The following PIP5K1B variants were observed in gnomAD, a reference collection of about 807,000 sequenced individuals.
PIP5K1B encodes phosphatidylinositol-4-phosphate 5-kinase type 1 beta, also known as phosphatidylinositol 4-phosphate 5-kinase type-1 beta.
Under a neutral mutation model 67.0 loss-of-function variants are expected in PIP5K1B, and 42 were observed. The ratio of observed to expected loss-of-function variants is 0.63; its 90% CI spans 0.49 to 0.81. The LOEUF (loss-of-function observed/expected upper bound fraction) is 0.81. Ranked by LOEUF, PIP5K1B falls within the 30% of genes least tolerant of loss-of-function variation. The probability of loss-of-function intolerance (pLI) is 0.00; values close to 1 mark genes in which losing one functional copy is unlikely to be tolerated. For missense variants in PIP5K1B, 459 were observed against 646.3 expected (o/e 0.71, Z 3.14); for synonymous variants, 214 against 231.4 (o/e 0.92, Z 0.68).
chr9:68,742,066 C>T (rs773157494), intron 1 of PIP5K1B, among the ~76,000 whole-genome samples: 10 of 152,160 alleles, frequency 6.6e-5, no homozygotes, highest in Non-Finnish European at 1.3e-4. Context: ...TGTTTCCTTG[C>T]ATGTGGTTTC....
chr9:68,921,607 G>A (rs114289085), intron 11 of PIP5K1B, among the ~76,000 whole-genome samples: 10 of 152,046 alleles, frequency 6.6e-5, no homozygotes, highest in South Asian at 6.2e-4. Context: ...CAACACTTTG[G>A]GGGGAGACCA....
intron 6 of PIP5K1B, among the ~76,000 whole-genome samples, chr9:68,881,736 G>A (rs1275192617): frequency 6.6e-6 from 1 of 152,026 alleles, no homozygotes; most frequent in East Asian, 1.9e-4. Flanking sequence ...ATACAGCAGT[G>A]CAAACTTTCC....
chr9:68,862,822 A>ATATAT (rs1564191147), intron 4 of PIP5K1B, among the ~76,000 whole-genome samples: 5 of 144,404 alleles, frequency 3.5e-5, no homozygotes, highest in Admixed American at 7.0e-5. Context: ...TAAATAAATA[A>ATATAT]ATATATATAT....
intron 2 of PIP5K1B, among the ~76,000 whole-genome samples, chr9:68,768,806 CCA>C (rs1207350125): frequency 2.6e-5 from 4 of 152,176 alleles, no homozygotes; most frequent in African/African-American, 9.7e-5. Context: ...CTGGGTCTCT[CCA>C]GTCTGTTAAG....
At chr9:68,889,833 G>A (rs537785462) in intron 7 of PIP5K1B, among the ~76,000 whole-genome samples, 53 of 151,780 alleles carry the variant, frequency 3.5e-4, no homozygotes, top group Non-Finnish European at 6.6e-4. Context: ...GATAAAGGAA[G>A]CAATGTGTTT....
chr9:68,933,958 A>C (rs992278132), intron 12 of PIP5K1B, among the ~76,000 whole-genome samples: 1 of 152,184 alleles, frequency 6.6e-6, no homozygotes, highest in African/African-American at 2.4e-5. Context: ...TTACTCTAAT[A>C]CACTTACTAT....
At chr9:68,983,429 T>C (rs1438833144) in intron 14 of PIP5K1B, among the ~76,000 whole-genome samples, 1 of 152,118 alleles carries the variant, frequency 6.6e-6, no homozygotes, top group African/African-American at 2.4e-5. Context: ...TGGCTTCTGC[T>C]ACTCACTTCC....
At chr9:68,912,990 G>C (rs1240556146) in intron 8 of PIP5K1B, among the ~76,000 whole-genome samples, 1 of 152,206 alleles carries the variant, frequency 6.6e-6, no homozygotes, top group Non-Finnish European at 1.5e-5. Context: ...CTCATTTCAA[G>C]AACAGGTAGT....
chr9:68,799,954 T>C (rs1832509259), intron 2 of PIP5K1B, among the ~76,000 whole-genome samples: 1 of 152,060 alleles, frequency 6.6e-6, no homozygotes, highest in African/African-American at 2.4e-5. Flanking sequence ...ACTCATGGAA[T>C]GAGAGAAAAT....
intron 14 of PIP5K1B, among the ~76,000 whole-genome samples, chr9:68,968,788 C>G (rs895970454): frequency 1.3e-5 from 2 of 151,204 alleles, no homozygotes; most frequent in Non-Finnish European, 2.9e-5. Flanking sequence ...AAAGAGGCAT[C>G]CTATCTCAGC....
chr9:68,873,390 C>T (rs571322800), intron 5 of PIP5K1B, among the ~76,000 whole-genome samples: 4 of 148,548 alleles, frequency 2.7e-5, no homozygotes, highest in Admixed American at 6.8e-5. Flanking sequence ...TGGGCTCAAG[C>T]GATCCTTCTG....
intron 10 of PIP5K1B, 21 bp downstream of exon 10, chr9:68,919,583 T>G: frequency 7.0e-7 from 1 of 1,438,724 alleles, no homozygotes; most frequent in Non-Finnish European, 9.7e-7. Flanking sequence ...TGAGGAGTGG[T>G]CTTTTATTAT....
At chr9:68,895,968 C>T (rs1292506629) in intron 8 of PIP5K1B, among the ~76,000 whole-genome samples, 1 of 151,984 alleles carries the variant, frequency 6.6e-6, no homozygotes, top group African/African-American at 2.4e-5. Flanking sequence ...GCATGTGCTT[C>T]TAACAACTAA....
At chr9:68,748,181 G>A (rs1437921672) in intron 2 of PIP5K1B, among the ~76,000 whole-genome samples, 1 of 152,190 alleles carries the variant, frequency 6.6e-6, no homozygotes, top group African/African-American at 2.4e-5. Context: ...TTAGCGTAAT[G>A]TGTTAAGGTT....
chr9:68,806,511 T>C (rs1832879379), intron 2 of PIP5K1B, among the ~76,000 whole-genome samples: 1 of 152,232 alleles, frequency 6.6e-6, no homozygotes, highest in Non-Finnish European at 1.5e-5. Flanking sequence ...CAATTTTTAT[T>C]GGCCTCCTAT....
chr9:68,991,541 G>A (rs1209488410), intron 15 of PIP5K1B, among the ~76,000 whole-genome samples: 4 of 152,192 alleles, frequency 2.6e-5, no homozygotes, highest in Non-Finnish European at 5.9e-5. Context: ...TATTCCCAGC[G>A]AGGAAATGTT....
Position 68,969,547 on chromosome 9 carries a change from AAC to A in PIP5K1B, c.1503-21589_1503-21588del, listed in dbSNP as rs1564281115. Among the ~76,000 whole-genome samples the A allele has an allele frequency of 4.6e-5, 7 of 152,290 alleles. No homozygotes were observed. The South Asian group carries it at 1.0e-3, about 23-fold the overall frequency. On this transcript the variant is annotated intron_variant, in intron 14 of 15. Transcript: ENST00000265382. The stretch of plus-strand genomic sequence containing the variant: ...CAACAGTACTAGGGGAAGAAAAAAA[AAC>A]ACAGACTCAGATTTTTAAAACAAGA...
At chr9:68,774,139 T>C (rs1311824550) in intron 2 of PIP5K1B, among the ~76,000 whole-genome samples, 6 of 152,178 alleles carry the variant, frequency 3.9e-5, no homozygotes, top group Non-Finnish European at 7.4e-5. Context: ...TTTCCTCCTA[T>C]TGCTTTCTTA....
chr9:68,913,790 A>G (rs548627888), intron 8 of PIP5K1B, among the ~76,000 whole-genome samples: 33 of 152,242 alleles, frequency 2.2e-4, no homozygotes, highest in Non-Finnish European at 2.9e-4. Flanking sequence ...AATCCAAAAG[A>G]AGAGTACAGA....
Sources: gnomAD v4.1 joint callset for allele counts (sites outside exome capture counted in the v4.1 genomes callset) on GRCh38, gnomAD v4.1.1 for gene constraint, MANE v1.5 for transcripts, NCBI Gene and HGNC (gene_info 2026-07-23, HGNC 2026-07-21) for gene names.